The following OSBPL2 variants were observed in gnomAD, a reference collection of about 807,000 sequenced individuals.
OSBPL2 encodes oxysterol binding protein like 2.
In OSBPL2, 18 loss-of-function variants were observed where a neutral mutation model predicts 58.4. That is an observed-to-expected ratio of 0.31 (90% CI 0.21 to 0.46). OSBPL2 has a LOEUF of 0.46. OSBPL2 is among the 20% of genes least tolerant of loss of function. The pLI is 1.00. For synonymous variants in OSBPL2, 221 were observed against 234.1 expected, an observed-to-expected ratio of 0.94 and a Z score of 0.51; for missense variants, 461 against 616.5, an observed-to-expected ratio of 0.75 and a Z score of 2.67.
chr20:62,280,532 C>T (rs1324667339), intron 7 of OSBPL2, among the ~76,000 whole-genome samples: 1 of 152,236 alleles, frequency 6.6e-6, no homozygotes, highest in Non-Finnish European at 1.5e-5. Context: ...ACTGTGGCTC[C>T]CCCACGTAGC....
chr20:62,281,302 C>G (rs1383533465), intron 8 of OSBPL2, 137 bp downstream of exon 8: 1 of 633,450 alleles, frequency 1.6e-6, no homozygotes, highest in Non-Finnish European at 2.9e-6. Context: ...CCAGCCCAGG[C>G]ATAGCAGCTG....
At chr20:62,283,797 C>A (rs1047722509) in intron 9 of OSBPL2, among the ~76,000 whole-genome samples, 1 of 152,186 alleles carries the variant, frequency 6.6e-6, no homozygotes, top group Non-Finnish European at 1.5e-5. Context: ...TCTGTCCCTT[C>A]CCATCTCCTG....
At chr20:62,280,246 C>A in intron 7 of OSBPL2, 1 of 633,446 alleles carries the variant, frequency 1.6e-6, no homozygotes, top group Non-Finnish European at 2.4e-6. Flanking sequence ...TTTTGCTTCA[C>A]ATTGGCCCTG....
rs781776917 is a variant in OSBPL2, at chr20:62,293,827, C to G, written c.1383C>G (p.Asp461Glu). The change falls in exon 14 of 14, where the codon GAC becomes GAG. Residue 461 changes from aspartate to glutamate, a missense_variant. This residue lies in a region of OSBPL2 where 319 missense variants were observed against 419.2 expected (regional missense o/e 0.76). Coordinates refer to ENST00000313733, the MANE Select transcript of OSBPL2 (RefSeq NM_144498.4). ...ATAACCCCTACACTGGGACCCCCGA[C>G]TGGTTGTATGCAGGGGATTACTTTG... ...PGNNPYTGTP[D>E]WLYAGDYFER... is the part of the protein sequence containing the mutation. 3 of 1,614,162 alleles carry G rather than the reference C, an allele frequency of 1.9e-6. No individual in the cohort carries two copies. The highest frequency in any genetic ancestry group is 2.5e-6 in the Non-Finnish European group (3 of 1,180,006).
intron 6 of OSBPL2, among the ~76,000 whole-genome samples, chr20:62,278,024 T>C (rs1023971254): frequency 3.3e-5 from 5 of 152,030 alleles, no homozygotes; most frequent in African/African-American, 1.2e-4. Flanking sequence ...GGGTTTGGAG[T>C]CAGAGGTGTG....
At chr20:62,275,413 T>G (rs1419246244) in intron 6 of OSBPL2, among the ~76,000 whole-genome samples, 4 of 152,112 alleles carry the variant, frequency 2.6e-5, no homozygotes, top group African/African-American at 9.7e-5. Context: ...CTTTTTTTTT[T>G]TTTGAGACGA....
At chr20:62,262,544 G>A (rs1428545134) in intron 3 of OSBPL2, among the ~76,000 whole-genome samples, 1 of 152,244 alleles carries the variant, frequency 6.6e-6, no homozygotes, top group Non-Finnish European at 1.5e-5. Context: ...GAGCAGAGCT[G>A]GGTGCTGGCT....
At chr20:62,249,028 G>C (rs1346073672) in intron 1 of OSBPL2, among the ~76,000 whole-genome samples, 1 of 152,150 alleles carries the variant, frequency 6.6e-6, no homozygotes, top group Non-Finnish European at 1.5e-5. Context: ...AGATGGGTTT[G>C]TACGACTTGA....
chr20:62,254,007 A>G (rs1980752738), intron 1 of OSBPL2, among the ~76,000 whole-genome samples: 1 of 152,100 alleles, frequency 6.6e-6, no homozygotes, highest in Non-Finnish European at 1.5e-5. Context: ...CATGTTGGCC[A>G]GGCTGGTCTG....
At chr20:62,248,643 T>C (rs1365456924) in intron 1 of OSBPL2, among the ~76,000 whole-genome samples, 1 of 152,144 alleles carries the variant, frequency 6.6e-6, no homozygotes, top group Non-Finnish European at 1.5e-5. Flanking sequence ...CCCAGTCTCG[T>C]TCACCAACTT....
intron 1 of OSBPL2, among the ~76,000 whole-genome samples, chr20:62,254,559 G>C (rs1980793134): frequency 6.6e-6 from 1 of 152,266 alleles, no homozygotes; most frequent in Non-Finnish European, 1.5e-5. Context: ...GGACGTGGTG[G>C]CTGTCCTGTT....
chr20:62,274,161 G>T (rs1468989186), intron 6 of OSBPL2, among the ~76,000 whole-genome samples: 1 of 152,162 alleles, frequency 6.6e-6, no homozygotes. Flanking sequence ...GACTGGTTGG[G>T]GTTCTCTTCA....
chr20:62,252,194 T>C (rs1980602264), intron 1 of OSBPL2, among the ~76,000 whole-genome samples: 1 of 152,114 alleles, frequency 6.6e-6, no homozygotes, highest in Non-Finnish European at 1.5e-5. Context: ...AGTATGTCTT[T>C]TTTTTAAAGA....
At chr20:62,255,098 C>CTTTTTTTTTTT (rs11479147) in intron 1 of OSBPL2, 1 of 134,448 alleles carries the variant, frequency 7.4e-6, no homozygotes, top group African/African-American at 2.9e-5. Flanking sequence ...GCCCCCATGA[C>CTTTTTTTTTTT]TTTTTTTTTT....
chr20:62,273,309 T>G lies in OSBPL2; in HGVS notation c.394T>G (p.Ser132Ala), dbSNP rs751689108. 6.2e-7 allele frequency: 1 copy of G among 1,607,382 alleles called. No individual in the cohort carries two copies. Among genetic ancestry groups the G allele is most frequent in the Non-Finnish European group, 8.5e-7 (1 of 1,177,816 alleles). Residue 132 changes from serine to alanine, a missense_variant and splice_region_variant, in exon 6 of 14, where the codon TCT becomes GCT. Ser to Ala is a moderately conservative substitution (Grantham distance 99, BLOSUM62 1). Coordinates refer to ENST00000313733, the MANE Select transcript of OSBPL2 (RefSeq NM_144498.4). The part of the protein sequence containing the change: ...CQPQPLERMQ[S>A]VAAFAVSAVA... ...TGTCCCCCCCGTGGATTATTTACAG[T>G]CTGTGGCTGCTTTTGCTGTTTCGGC... is the stretch of plus-strand genomic sequence containing the variant.
rs75749240 is a variant in OSBPL2 at position 62,292,704 on chromosome 20, C to T, written c.1340+911C>T. Among the ~76,000 whole-genome samples, 42 of 152,262 alleles carry T rather than the reference C, an allele frequency of 2.8e-4. No individual in the cohort carries two copies. The East Asian group carries it at 6.9e-3, about 25-fold the overall frequency. On this transcript the variant is annotated intron_variant, in intron 13 of 13. Transcript: ENST00000313733. Reference sequence around the variant, plus strand: ...TGTAGGCCACCTGCTTGGTAGGATTCGTTCTCAAGGCCCAACAACAATGAT... The same window carrying T: ...TGTAGGCCACCTGCTTGGTAGGATTTGTTCTCAAGGCCCAACAACAATGAT...
At chr20:62,280,538 G>C (rs146390886) in intron 7 of OSBPL2, among the ~76,000 whole-genome samples, 1 of 152,238 alleles carries the variant, frequency 6.6e-6, no homozygotes, top group African/African-American at 2.4e-5. Flanking sequence ...GCTCCCCCAC[G>C]TAGCACCTTA....
In OSBPL2 at chr20:62,291,524, G is replaced by A. The variant is rs981741536; in HGVS notation, c.1250-179G>A. Reference sequence around the variant, plus strand: ...TCCGCTTGGGAAGGGCCCTGTTGGCGTGCCGGCCGCTGTGGCCTCGGCAAC... The same window carrying A: ...TCCGCTTGGGAAGGGCCCTGTTGGCATGCCGGCCGCTGTGGCCTCGGCAAC... On this transcript the variant is annotated intron_variant, in intron 12 of 13. Transcript: ENST00000313733. The A allele has an allele frequency of 4.6e-6, 3 of 649,696 alleles. No homozygotes were observed. The African/African-American group carries it at 5.4e-5, about 12-fold the overall frequency. The allele number at this position is 649,696 out of a possible 1,614,324, so 40.2% of individuals were successfully genotyped here. A position where few individuals can be genotyped will look rare whatever the true frequency, so the allele number is the denominator to read the frequency against.
intron 4 of OSBPL2, 133 bp from the exon 5 acceptor site, chr20:62,271,992 A>G: frequency 9.5e-7 from 1 of 1,047,148 alleles, no homozygotes; most frequent in East Asian, 2.5e-5. Flanking sequence ...TGGCTCACCC[A>G]TGGGGGGTTT....
Sources: allele counts gnomAD v4.1 joint callset (sites outside exome capture counted in the v4.1 genomes callset), GRCh38; gene constraint gnomAD v4.1.1; regional missense constraint gnomAD v4.1.1; transcripts MANE v1.5; gene names NCBI Gene and HGNC (gene_info 2026-07-23, HGNC 2026-07-21).